LTBP1: variants seen among roughly 807,000 people sequenced by gnomAD.
LTBP1 encodes latent transforming growth factor beta binding protein 1.
A neutral mutation model predicts 207.6 loss-of-function variants in LTBP1; 129 were observed. The observed-to-expected ratio is 0.62, with a 90% CI of 0.54 to 0.72. The LOEUF is 0.72. Among genes scored for constraint, LTBP1 ranks in the 30% least tolerant of loss-of-function variants. The probability of loss-of-function intolerance (pLI) is 0.00; values close to 1 mark genes in which losing one functional copy is unlikely to be tolerated. For missense variants in LTBP1, 2,281 were observed against 2,217.2 expected (o/e 1.03, Z -0.58); for synonymous variants, 963 against 833.7 (o/e 1.16, Z -2.67).
At chr2:33,077,731 CATT>C (rs1157957755) in intron 3 of LTBP1, among the ~76,000 whole-genome samples, 1 of 152,158 alleles carries the variant, frequency 6.6e-6, no homozygotes, top group Non-Finnish European at 1.5e-5. Flanking sequence ...TATCAAAACG[CATT>C]GTTGTTTTTT....
At chr2:33,005,916 T>TA (rs1390937675) in intron 2 of LTBP1, among the ~76,000 whole-genome samples, 1 of 151,736 alleles carries the variant, frequency 6.6e-6, no homozygotes, top group Non-Finnish European at 1.5e-5. Flanking sequence ...AGTAGCAGCA[T>TA]AAAGTGGTAG....
intron 2 of LTBP1, among the ~76,000 whole-genome samples, chr2:32,958,250 G>A (rs1678417082): frequency 6.6e-6 from 1 of 152,200 alleles, no homozygotes; most frequent in African/African-American, 2.4e-5. Flanking sequence ...CCAGGGGCTT[G>A]CTACGGGGCT....
chr2:33,113,397 G>C (rs986840075), intron 4 of LTBP1, among the ~76,000 whole-genome samples: 6 of 152,174 alleles, frequency 3.9e-5, no homozygotes, highest in Admixed American at 1.3e-4. Flanking sequence ...GCAGGAAAGA[G>C]ATGAGGATGG....
rs573637625 is a variant in LTBP1 at position 33,398,676 on chromosome 2, C to T, written c.*131C>T. The T allele has an allele frequency of 2.6e-5, 21 of 810,574 alleles. No homozygotes were observed. In the African/African-American group the frequency reaches 3.7e-4, roughly 14 times the overall value. 50.2% of individuals were successfully genotyped at this position (810,574 alleles called of 1,614,324 possible). ...ACAGAAACAGCATGGAATTGCAAGTCCTCTGAAGACAATGAGAGGATTTAG... is the reference window on the plus strand; with the variant it reads ...ACAGAAACAGCATGGAATTGCAAGTTCTCTGAAGACAATGAGAGGATTTAG... On this transcript the variant is annotated 3_prime_UTR_variant, in exon 34 of 34. Transcript: ENST00000404816.
At chr2:33,114,406 G>T (rs183930878) in intron 4 of LTBP1, among the ~76,000 whole-genome samples, 1 of 152,002 alleles carries the variant, frequency 6.6e-6, no homozygotes, top group African/African-American at 2.4e-5. Context: ...TGGCTCATGG[G>T]CTATAGTTTG....
chr2:33,122,150 G>C (rs1441210926), intron 4 of LTBP1, among the ~76,000 whole-genome samples: 1 of 151,384 alleles, frequency 6.6e-6, no homozygotes, highest in Non-Finnish European at 1.5e-5. Flanking sequence ...GGTGGAACGA[G>C]TCTATGGGTT....
intron 3 of LTBP1, among the ~76,000 whole-genome samples, chr2:33,072,090 C>G (rs1180429711): frequency 6.6e-6 from 1 of 152,202 alleles, no homozygotes; most frequent in Non-Finnish European, 1.5e-5. Context: ...TCTGACCAAC[C>G]AGTGTCAAGT....
intron 5 of LTBP1, among the ~76,000 whole-genome samples, chr2:33,179,034 C>T (rs1558762615): frequency 6.7e-6 from 1 of 149,952 alleles, no homozygotes; most frequent in Non-Finnish European, 1.5e-5. Context: ...AGCCACCATG[C>T]CTGGCCCCCA....
chr2:33,099,770 T>C (rs550162193), intron 3 of LTBP1, among the ~76,000 whole-genome samples: 1 of 152,302 alleles, frequency 6.6e-6, no homozygotes, highest in African/African-American at 2.4e-5. Flanking sequence ...CTCCTACCCA[T>C]TGGATTTATC....
At chr2:33,364,629 C>A (rs1012270590) in intron 30 of LTBP1, among the ~76,000 whole-genome samples, 3 of 152,138 alleles carry the variant, frequency 2.0e-5, no homozygotes, top group African/African-American at 7.2e-5. Flanking sequence ...GGTTCATCAT[C>A]CCTAACCTGC....
At chr2:33,008,581 C>T (rs1040178414) in intron 2 of LTBP1, among the ~76,000 whole-genome samples, 1 of 152,192 alleles carries the variant, frequency 6.6e-6, no homozygotes, top group African/African-American at 2.4e-5. Flanking sequence ...TGCCTTCCAG[C>T]CCTCATTCAT....
At chr2:33,369,424 G>A (rs900965073) in intron 31 of LTBP1, among the ~76,000 whole-genome samples, 1 of 152,166 alleles carries the variant, frequency 6.6e-6, no homozygotes, top group African/African-American at 2.4e-5. Context: ...TGCTGGGTGG[G>A]CTGGTTGGCG....
intron 3 of LTBP1, among the ~76,000 whole-genome samples, chr2:33,092,181 A>G (rs1431122039): frequency 6.9e-6 from 1 of 144,158 alleles, no homozygotes; most frequent in African/African-American, 2.4e-5. Context: ...GTGCGCATGC[A>G]CACACACACA....
intron 32 of LTBP1, among the ~76,000 whole-genome samples, chr2:33,392,183 A>T (rs1441130145): frequency 1.3e-5 from 2 of 148,278 alleles, no homozygotes; most frequent in East Asian, 2.0e-4. Flanking sequence ...GCCAGGTAGT[A>T]TTTTTTTTTT....
rs570677734 is a variant in LTBP1 at position 33,155,745 on chromosome 2, A to G, written c.1201+20785A>G. Among the ~76,000 whole-genome samples, 8 of 152,070 alleles carry G rather than the reference A, an allele frequency of 5.3e-5. No individual in the cohort carries two copies. The East Asian group carries it at 1.2e-3, about 22-fold the overall frequency. ...CAACTTTGCTTATGGTGTTTTTGCT[A>G]TTTACTTGTTTATTTCTTTTTAGGC... On this transcript the variant is annotated intron_variant, in intron 5 of 33. Transcript: ENST00000404816.
At chr2:33,176,378 A>G (rs1289074428) in intron 5 of LTBP1, among the ~76,000 whole-genome samples, 1 of 151,976 alleles carries the variant, frequency 6.6e-6, no homozygotes, top group Non-Finnish European at 1.5e-5. Context: ...GGCGCCCGCC[A>G]CCACGCCCGG....
At chr2:33,244,496 G>A (rs1173859650) in intron 10 of LTBP1, among the ~76,000 whole-genome samples, 1 of 152,054 alleles carries the variant, frequency 6.6e-6, no homozygotes, top group Non-Finnish European at 1.5e-5. Flanking sequence ...CCCTCTCCGT[G>A]TAAATTAATC....
At chr2:33,311,728 G>A (rs903152082) in intron 23 of LTBP1, among the ~76,000 whole-genome samples, 3 of 151,976 alleles carry the variant, frequency 2.0e-5, no homozygotes, top group African/African-American at 4.8e-5. Context: ...TCAGTCACAC[G>A]GAACTAATTT....
chr2:33,237,232 G>C (rs970347274), intron 9 of LTBP1, among the ~76,000 whole-genome samples: 1 of 152,172 alleles, frequency 6.6e-6, no homozygotes, highest in African/African-American at 2.4e-5. Flanking sequence ...GAAAAACCAA[G>C]TTAAACACAG....
Sources: allele counts gnomAD v4.1 joint callset (sites outside exome capture counted in the v4.1 genomes callset), GRCh38; gene constraint gnomAD v4.1.1; transcripts MANE v1.5; gene names NCBI Gene and HGNC (gene_info 2026-07-23, HGNC 2026-07-21).